IKZF2: variants seen among roughly 807,000 people sequenced by gnomAD.
IKZF2 encodes zinc finger protein Helios.
In IKZF2, 15 loss-of-function variants were observed where a neutral mutation model predicts 49.2. The ratio of observed to expected loss-of-function variants is 0.30; its 90% CI spans 0.20 to 0.47. IKZF2 has a LOEUF of 0.47. IKZF2 is among the 20% of genes least tolerant of loss of function. IKZF2 has a pLI of 1.00. For missense variants in IKZF2, 567 were observed against 664.6 expected (o/e 0.85, Z 1.61); for synonymous variants, 227 against 221.4 (o/e 1.03, Z -0.23).
intron 5 of IKZF2, chr2:213,056,476 T>C (rs559950997): frequency 2.5e-5 from 9 of 354,972 alleles, no homozygotes; most frequent in African/African-American, 4.2e-5. Flanking sequence ...TAAACTCTTA[T>C]CTAGCAAACT....
chr2:213,086,948 G>A (rs1268694899), intron 4 of IKZF2, among the ~76,000 whole-genome samples: 1 of 152,104 alleles, frequency 6.6e-6, no homozygotes, highest in Non-Finnish European at 1.5e-5. Context: ...GTTTTATTAA[G>A]TGATCTGGCC....
intron 4 of IKZF2, among the ~76,000 whole-genome samples, chr2:213,082,176 G>T (rs1207652274): frequency 2.6e-5 from 4 of 152,108 alleles, no homozygotes; most frequent in African/African-American, 9.7e-5. Context: ...TGTGCTATAT[G>T]TTAAAACAGT....
At chr2:213,134,244 G>T (rs1222750553) in intron 4 of IKZF2, among the ~76,000 whole-genome samples, 1 of 152,124 alleles carries the variant, frequency 6.6e-6, no homozygotes, top group Non-Finnish European at 1.5e-5. Context: ...TCAATATCAA[G>T]TTCCTTCTTC....
intron 6 of IKZF2, among the ~76,000 whole-genome samples, chr2:213,045,078 T>C (rs539784978): frequency 1.8e-4 from 28 of 152,366 alleles, no homozygotes; most frequent in Admixed American, 3.9e-4. Context: ...GGCTACCATA[T>C]TGGACAGCGT....
intron 6 of IKZF2, among the ~76,000 whole-genome samples, chr2:213,035,905 C>T (rs895493550): frequency 6.6e-6 from 1 of 152,092 alleles, no homozygotes; most frequent in African/African-American, 2.4e-5. Context: ...TGGCTGAGAG[C>T]AGAGACCCTA....
At chr2:213,039,208 G>T (rs1441382864) in intron 6 of IKZF2, among the ~76,000 whole-genome samples, 1 of 151,940 alleles carries the variant, frequency 6.6e-6, no homozygotes, top group Non-Finnish European at 1.5e-5. Context: ...AGGCATAACT[G>T]AACAAAATAT....
chr2:213,026,633 C>A (rs2125143771), intron 6 of IKZF2, among the ~76,000 whole-genome samples: 2 of 151,926 alleles, frequency 1.3e-5, no homozygotes, highest in South Asian at 4.2e-4. Context: ...TTTTTAATCA[C>A]CAGTAAAATC....
chr2:213,047,428 C>T (rs1271676360), intron 6 of IKZF2, among the ~76,000 whole-genome samples: 1 of 152,036 alleles, frequency 6.6e-6, no homozygotes, highest in Admixed American at 6.6e-5. Context: ...CCTCCATAGC[C>T]AGAAGGCATG....
At chr2:213,053,179 A>C (rs923681134) in intron 5 of IKZF2, among the ~76,000 whole-genome samples, 1 of 152,140 alleles carries the variant, frequency 6.6e-6, no homozygotes, top group Non-Finnish European at 1.5e-5. Flanking sequence ...CATAATGACT[A>C]ATCTTTCCCC....
chr2:213,080,026 A>C (rs1178983279), intron 4 of IKZF2, among the ~76,000 whole-genome samples: 1 of 152,188 alleles, frequency 6.6e-6, no homozygotes, highest in Non-Finnish European at 1.5e-5. Flanking sequence ...AATTTGACTA[A>C]CACTTAAAAA....
intron 4 of IKZF2, among the ~76,000 whole-genome samples, chr2:213,129,011 T>C (rs936143230): frequency 2.0e-5 from 3 of 151,948 alleles, no homozygotes; most frequent in Non-Finnish European, 4.4e-5. Flanking sequence ...TTCGCCTCAA[T>C]GTACAGGTTT....
chr2:213,050,013 A>G, intron 5 of IKZF2, 133 bp from the exon 6 acceptor site: 1 of 550,726 alleles, frequency 1.8e-6, no homozygotes, highest in Non-Finnish European at 2.9e-6. Flanking sequence ...TTAAACATTT[A>G]TCTGCCCAGA....
chr2:213,103,437 C>T (rs756504106), intron 4 of IKZF2, among the ~76,000 whole-genome samples: 7 of 151,882 alleles, frequency 4.6e-5, no homozygotes, highest in Admixed American at 2.0e-4. Context: ...ACAGACTGAA[C>T]GAAAAGAAAG....
At chr2:213,094,328 T>C (rs958626074) in intron 4 of IKZF2, among the ~76,000 whole-genome samples, 1 of 152,084 alleles carries the variant, frequency 6.6e-6, no homozygotes, top group African/African-American at 2.4e-5. Context: ...GGAGTAAAGA[T>C]AGGGTGATAG....
At position 213,013,085 on chromosome 2, in the gene IKZF2, T is replaced by C. The variant is rs557984290; in HGVS notation, c.856+706A>G. 3.3e-4 allele frequency among the ~76,000 whole-genome samples: 50 copies of C among 152,060 alleles called. No individual in the cohort carries two copies. The South Asian group carries it at 5.0e-3, about 15-fold the overall frequency. ...GAAATGAAAAGGGAAAGTCTAAATATATGATATTTAATCTTTTCAGTTCAA... is the reference window on the plus strand; with the variant it reads ...GAAATGAAAAGGGAAAGTCTAAATACATGATATTTAATCTTTTCAGTTCAA... On this transcript the variant is annotated intron_variant, in intron 8 of 8. Coordinates refer to ENST00000434687, the MANE Select transcript of IKZF2 (RefSeq NM_001387220.1).
intron 2 of IKZF2, among the ~76,000 whole-genome samples, chr2:213,149,828 T>C (rs1191515736): frequency 3.4e-5 from 5 of 146,570 alleles, no homozygotes; most frequent in African/African-American, 1.3e-4. Context: ...AATAATCAGA[T>C]CAAATTCCCA....
intron 6 of IKZF2, among the ~76,000 whole-genome samples, chr2:213,032,484 A>G (rs527263616): frequency 1.3e-5 from 2 of 152,332 alleles, no homozygotes; most frequent in African/African-American, 4.8e-5. Flanking sequence ...CTGTAATACA[A>G]GCACTTTGGG....
chr2:213,022,154 T>C (rs771071347), intron 6 of IKZF2, 24 bp from the exon 7 acceptor site: 1 of 1,574,446 alleles, frequency 6.4e-7, no homozygotes, highest in South Asian at 1.2e-5. Flanking sequence ...TCAAGGTCAG[T>C]GTGCTGTTAG....
chr2:213,064,028 A>G (rs569023747), intron 4 of IKZF2, among the ~76,000 whole-genome samples: 1 of 152,102 alleles, frequency 6.6e-6, no homozygotes, highest in Non-Finnish European at 1.5e-5. Flanking sequence ...CAACTACCTC[A>G]TAATTTTAAA....
Sources: allele counts gnomAD v4.1 joint callset (sites outside exome capture counted in the v4.1 genomes callset), GRCh38; gene constraint gnomAD v4.1.1; transcripts MANE v1.5; gene names NCBI Gene and HGNC (gene_info 2026-07-23, HGNC 2026-07-21).